The following FCHO2 variants were observed in gnomAD, a reference collection of about 807,000 sequenced individuals.
The protein encoded by FCHO2 is F-BAR domain only protein 2.
Under a neutral mutation model 114.1 loss-of-function variants are expected in FCHO2, and 43 were observed. The ratio of observed to expected loss-of-function variants is 0.38; its 90% CI spans 0.30 to 0.49. The LOEUF (loss-of-function observed/expected upper bound fraction) is 0.49, where lower values mean the gene tolerates loss of function less well. FCHO2 is among the 20% of genes least tolerant of loss of function. The pLI is 0.97. For synonymous variants in FCHO2, 293 were observed against 315.2 expected (o/e 0.93, Z 0.75); for missense variants, 807 against 950.4 (o/e 0.85, Z 1.98).
chr5:73,045,224 C>T (rs1203856704), intron 11 of FCHO2, among the ~76,000 whole-genome samples: 1 of 152,154 alleles, frequency 6.6e-6, no homozygotes, highest in African/African-American at 2.4e-5. Flanking sequence ...GCACAACAAT[C>T]TCTCATGTTG....
At chr5:73,066,086 A>G (rs1270021213) in intron 18 of FCHO2, among the ~76,000 whole-genome samples, 2 of 152,018 alleles carry the variant, frequency 1.3e-5, no homozygotes, top group Non-Finnish European at 2.9e-5. Context: ...CATAGTCTTC[A>G]AGCTTCTTTA....
chr5:73,035,709 G>C (rs1480085712), intron 9 of FCHO2, among the ~76,000 whole-genome samples: 1 of 151,994 alleles, frequency 6.6e-6, no homozygotes, highest in Admixed American at 6.6e-5. Flanking sequence ...CACCATGTTG[G>C]CTAGGCTGGT....
intron 2 of FCHO2, among the ~76,000 whole-genome samples, chr5:72,981,196 T>G (rs1753191093): frequency 6.6e-6 from 1 of 152,154 alleles, no homozygotes; most frequent in African/African-American, 2.4e-5. Flanking sequence ...TTCTCCTTTG[T>G]TTATGAAGCT....
At chr5:73,009,447 T>C (rs1462647976) in intron 6 of FCHO2, among the ~76,000 whole-genome samples, 1 of 152,264 alleles carries the variant, frequency 6.6e-6, no homozygotes, top group Non-Finnish European at 1.5e-5. Flanking sequence ...AGCACATCTT[T>C]CCATTTCCTT....
intron 18 of FCHO2, among the ~76,000 whole-genome samples, chr5:73,066,187 T>A (rs575234122): frequency 7.2e-5 from 11 of 152,012 alleles, no homozygotes; most frequent in Non-Finnish European, 1.5e-4. Flanking sequence ...CTTCACATCA[T>A]CCCCATATCA....
At chr5:73,074,971 C>T in intron 20 of FCHO2, 118 bp downstream of exon 20, 3 of 788,318 alleles carry the variant, frequency 3.8e-6, no homozygotes, top group Non-Finnish European at 5.8e-6. Flanking sequence ...TTACAGTTTT[C>T]TGTTGTTTAT....
rs557756045 is a variant in FCHO2, at chr5:72,968,912, C to G, written c.125+323C>G. ...AGGATAAAACATTAACATTTGTTAA[C>G]CATGCTAAAATAATTAGAAAAGACT... On this transcript the variant is annotated intron_variant, in intron 2 of 25. Transcript: ENST00000430046. Among the ~76,000 whole-genome samples, 60 of 152,174 alleles carry G rather than the reference C, an allele frequency of 3.9e-4. No homozygotes were observed. In the South Asian group the frequency reaches 0.012, roughly 30 times the overall value.
At chr5:73,083,629 C>T (rs556805009) in intron 24 of FCHO2, among the ~76,000 whole-genome samples, 2 of 152,148 alleles carry the variant, frequency 1.3e-5, no homozygotes, top group African/African-American at 4.8e-5. Flanking sequence ...CAGTGGCTCA[C>T]GCTTGTAATC....
chr5:73,079,472 AT>A (rs896985522), intron 22 of FCHO2, among the ~76,000 whole-genome samples: 12 of 152,170 alleles, frequency 7.9e-5, no homozygotes, highest in Non-Finnish European at 1.8e-4. Flanking sequence ...GACGTGATGA[AT>A]TTTTCAAAAA....
intron 5 of FCHO2, among the ~76,000 whole-genome samples, chr5:72,992,419 C>T (rs1440079475): frequency 6.6e-6 from 1 of 152,110 alleles, no homozygotes; most frequent in African/African-American, 2.4e-5. Context: ...TATTTTATCT[C>T]TGTGGGCCAG....
chr5:73,065,892 C>T (rs1168097210), intron 18 of FCHO2, among the ~76,000 whole-genome samples: 1 of 151,892 alleles, frequency 6.6e-6, no homozygotes, highest in African/African-American at 2.4e-5. Context: ...ACCCTTTTCC[C>T]ATCCTCCCAC....
intron 2 of FCHO2, among the ~76,000 whole-genome samples, chr5:72,976,324 CTTGCCCAGCCT>C (rs1752874316): frequency 6.6e-6 from 1 of 152,106 alleles, no homozygotes; most frequent in African/African-American, 2.4e-5. Flanking sequence ...AGTGATCCTC[CTTGCCCAGCCT>C]TGCAAAGTGC....
intron 2 of FCHO2, among the ~76,000 whole-genome samples, chr5:72,984,053 C>G (rs1162869831): frequency 6.6e-6 from 1 of 152,036 alleles, no homozygotes; most frequent in Non-Finnish European, 1.5e-5. Context: ...TTCTTGGTAT[C>G]GTCAGTTTTT....
chr5:73,037,607 C>G (rs994440240), intron 10 of FCHO2, among the ~76,000 whole-genome samples: 1 of 152,068 alleles, frequency 6.6e-6, no homozygotes, highest in African/African-American at 2.4e-5. Flanking sequence ...TCCTTCTAGA[C>G]AATTCTGAGT....
At chr5:73,008,688 T>G (rs1228534989) in intron 6 of FCHO2, among the ~76,000 whole-genome samples, 1 of 152,092 alleles carries the variant, frequency 6.6e-6, no homozygotes, top group Non-Finnish European at 1.5e-5. Flanking sequence ...GAAAACCAAG[T>G]ATTTTTTTTT....
rs1743104066 is a variant in FCHO2 at position 73,081,842 on chromosome 5, T to A, written c.2040T>A (p.Ser680Arg). Reference protein sequence around the residue: ...PLNLATYWKCSASTTDLRVDY... With the variant: ...PLNLATYWKCRASTTDLRVDY... ...ATCTTGCAACATACTGGAAATGTAG[T>A]GCTAGCACCACAGATCTTAGAGTGG... The change falls in exon 23 of 26, where the codon AGT becomes AGA. Residue 680 changes from serine to arginine, a missense_variant. Transcript: ENST00000430046. 6.2e-7 allele frequency: 1 copy of A among 1,611,116 alleles called. No homozygotes were observed. The highest frequency in any genetic ancestry group is 2.2e-5 in the East Asian group (1 of 44,736).
intron 8 of FCHO2, among the ~76,000 whole-genome samples, chr5:73,034,045 A>T (rs1756370175): frequency 6.6e-6 from 1 of 152,210 alleles, no homozygotes; most frequent in African/African-American, 2.4e-5. Flanking sequence ...GCTGTAGTTC[A>T]CATTCCTTGA....
At chr5:72,997,934 G>A (rs1487888384) in intron 5 of FCHO2, among the ~76,000 whole-genome samples, 1 of 152,180 alleles carries the variant, frequency 6.6e-6, no homozygotes, top group African/African-American at 2.4e-5. Context: ...TTGTGGTGGA[G>A]CGGCAGGACC....
intron 8 of FCHO2, among the ~76,000 whole-genome samples, chr5:73,033,788 TTCTC>T (rs1756357554): frequency 6.6e-6 from 1 of 152,162 alleles, no homozygotes; most frequent in African/African-American, 2.4e-5. Flanking sequence ...TTTTGCTACT[TTCTC>T]ACACTGCCAA....
Sources: allele counts gnomAD v4.1 joint callset (sites outside exome capture counted in the v4.1 genomes callset), GRCh38; gene constraint gnomAD v4.1.1; transcripts MANE v1.5; gene names NCBI Gene and HGNC (gene_info 2026-07-23, HGNC 2026-07-21).